CUX2: variants seen among roughly 807,000 people sequenced by gnomAD.
The protein encoded by CUX2 is homeobox protein cut-like 2.
A neutral mutation model predicts 144.8 loss-of-function variants in CUX2; 40 were observed. The observed-to-expected ratio is 0.28, with a 90% CI of 0.21 to 0.36. The LOEUF is 0.36. Ranked by LOEUF, CUX2 falls within the 10% of genes least tolerant of loss-of-function variation. CUX2 has a pLI of 1.00. For synonymous variants in CUX2, 827 were observed against 875.6 expected, an observed-to-expected ratio of 0.94 and a Z score of 0.98; for missense variants, 1,615 against 1,994.0, an observed-to-expected ratio of 0.81 and a Z score of 3.62.
rs1302243899 is a variant in CUX2 at position 111,059,522 on chromosome 12, C to T, written c.63+25282C>T. On this transcript the variant is annotated intron_variant, in intron 1 of 21. Coordinates refer to ENST00000261726, the MANE Select transcript of CUX2 (RefSeq NM_015267.4). This position sits in a 1 kb window ranked among gnomAD's most constrained non-coding sequence, Gnocchi z 5.3. ...CCCATTGATGCCTCAGTTTCCCTCA[C>T]CTTCCAAATGGGGCACGTGACTCTT... is the stretch of plus-strand genomic sequence containing the variant. Among the ~76,000 whole-genome samples, 1 of 152,176 alleles carries T rather than the reference C, an allele frequency of 6.6e-6. No homozygotes were observed. Among genetic ancestry groups the T allele is most frequent in the East Asian group, 1.9e-4 (1 of 5,194 alleles).
intron 1 of CUX2, among the ~76,000 whole-genome samples, chr12:111,200,011 T>C (rs1880482072): frequency 6.6e-6 from 1 of 152,196 alleles, no homozygotes; most frequent in South Asian, 2.1e-4. Flanking sequence ...TGCATTACTG[T>C]ACTGTTAGAA....
chr12:111,122,336 T>A (rs1874743447), intron 1 of CUX2, among the ~76,000 whole-genome samples: 1 of 152,228 alleles, frequency 6.6e-6, no homozygotes, highest in Non-Finnish European at 1.5e-5. Context: ...GCTGTTTTAA[T>A]TTCTTGCAAG....
rs906995803 is a variant in CUX2, at chr12:111,039,928, T to C, written c.63+5688T>C. Among the ~76,000 whole-genome samples the C allele has an allele frequency of 1.3e-5, 2 of 152,150 alleles. No individual in the cohort carries two copies. The highest frequency in any genetic ancestry group is 2.9e-5 in the Non-Finnish European group (2 of 68,022). On this transcript the variant is annotated intron_variant, in intron 1 of 21. Transcript: ENST00000261726. The surrounding 1 kb of genome is among the most constrained non-coding windows in gnomAD (Gnocchi z 4.2). The stretch of plus-strand genomic sequence containing the variant: ...TTATGTCTAGGATGGAGTTATTTGG[T>C]TTCTAAGCCTCAGTGAGCCCTTCAC...
chr12:111,182,834 C>G (rs999866327), intron 1 of CUX2, among the ~76,000 whole-genome samples: 2 of 152,150 alleles, frequency 1.3e-5, no homozygotes, highest in Non-Finnish European at 2.9e-5. Context: ...CAAGTGCCCC[C>G]AAAAGGACAT....
chr12:111,255,898 T>C lies in CUX2; in HGVS notation c.223-7863T>C, dbSNP rs1431398490. ...GGATCTTTCACAGGGACTGTCAGAG[T>C]GAGTGGGAACCCTCAGGATAGTCTA... On this transcript the variant is annotated intron_variant, in intron 3 of 21. Coordinates refer to ENST00000261726, the MANE Select transcript of CUX2 (RefSeq NM_015267.4). This position sits in a 1 kb window ranked among gnomAD's most constrained non-coding sequence, Gnocchi z 4.1. Among the ~76,000 whole-genome samples the C allele has an allele frequency of 6.6e-6, 1 of 151,978 alleles. No individual in the cohort carries two copies. Among genetic ancestry groups the C allele is most frequent in the Non-Finnish European group, 1.5e-5 (1 of 67,976 alleles).
intron 1 of CUX2, among the ~76,000 whole-genome samples, chr12:111,103,572 G>C (rs1394894646): frequency 6.6e-6 from 1 of 152,226 alleles, no homozygotes; most frequent in African/African-American, 2.4e-5. Flanking sequence ...TTGGGGCCAA[G>C]TGAAAGAAGA....
intron 3 of CUX2, among the ~76,000 whole-genome samples, chr12:111,229,328 G>A (rs1204960581): frequency 1.3e-5 from 2 of 152,174 alleles, no homozygotes; most frequent in Non-Finnish European, 2.9e-5. Flanking sequence ...TACAGGAGAA[G>A]GAATCTTTCT....
rs1019148295 is a variant in CUX2, at chr12:111,190,952, C to T, written c.64-23248C>T. On this transcript the variant is annotated intron_variant, in intron 1 of 21. Transcript: ENST00000261726. This position sits in a 1 kb window ranked among gnomAD's most constrained non-coding sequence, Gnocchi z 4.0. Reference sequence around the variant, plus strand: ...TGACCCAGCAGCTGAGCACAGCCGACCTGCTCGCAGATCCAGCACGCCAGG... The same window carrying T: ...TGACCCAGCAGCTGAGCACAGCCGATCTGCTCGCAGATCCAGCACGCCAGG... Among the ~76,000 whole-genome samples, 8 of 152,208 alleles carry T rather than the reference C, an allele frequency of 5.3e-5. No individual in the cohort carries two copies. The highest frequency in any genetic ancestry group is 1.7e-4 in the African/African-American group (7 of 41,456).
At chr12:111,060,674 G>C (rs1389299785) in intron 1 of CUX2, among the ~76,000 whole-genome samples, 1 of 152,216 alleles carries the variant, frequency 6.6e-6, no homozygotes, top group Non-Finnish European at 1.5e-5. Context: ...GGTTCTATCT[G>C]GTTTGCGGAT....
At chr12:111,227,710 C>T (rs542069879) in intron 3 of CUX2, among the ~76,000 whole-genome samples, 2 of 152,124 alleles carry the variant, frequency 1.3e-5, no homozygotes, top group African/African-American at 4.8e-5. Flanking sequence ...GATGGAGGCT[C>T]CCCTAGAGGG....
In CUX2 at chr12:111,186,107, C is replaced by T. The variant is rs930675323; in HGVS notation, c.64-28093C>T. Among the ~76,000 whole-genome samples, 3 of 151,944 alleles carry T rather than the reference C, an allele frequency of 2.0e-5. No individual in the cohort carries two copies. Among genetic ancestry groups the T allele is most frequent in the Admixed American group, 6.6e-5 (1 of 15,234 alleles). On this transcript the variant is annotated intron_variant, in intron 1 of 21. Transcript: ENST00000261726. The surrounding 1 kb of genome is among the most constrained non-coding windows in gnomAD (Gnocchi z 4.4). ...TCTGCCCTCGCCCCCTTTCTGTCTC[C>T]GTCTCACTAGATTTCGCTTTCACGT...
rs144302797 is a variant in CUX2 at position 111,211,493 on chromosome 12, C to A, written c.64-2707C>A. 3.9e-3 allele frequency among the ~76,000 whole-genome samples: 597 copies of A among 152,262 alleles called. 2 individuals carry two copies. The highest frequency in any genetic ancestry group is 6.3e-3 in the Non-Finnish European group (428 of 68,026). On this transcript the variant is annotated intron_variant, in intron 1 of 21. Transcript: ENST00000261726. ...CTGCTCTGCAATTTCCTTTCAGAAC[C>A]TGGGCTGGATGTTTTTAATGAGAGG...
At position 111,312,283 on chromosome 12, in the gene CUX2, C is replaced by A; in HGVS notation, c.2002+82C>A. On this transcript the variant is annotated intron_variant, in intron 16 of 21. Transcript: ENST00000261726. This position sits in a 1 kb window ranked among gnomAD's most constrained non-coding sequence, Gnocchi z 4.3. ...AGATGAGGCTTCGTCTACCTTTGTC[C>A]ACCCCAGAGGGAATCCAAGGTGGAT... The A allele has an allele frequency of 7.9e-7, 1 of 1,271,560 alleles. No homozygotes were observed. The highest frequency in any genetic ancestry group is 1.1e-6 in the Non-Finnish European group (1 of 905,222). 78.8% of individuals were successfully genotyped at this position (1,271,560 alleles called of 1,614,324 possible). A position where few individuals can be genotyped will look rare whatever the true frequency, so the allele number is the denominator to read the frequency against.
In CUX2 at chr12:111,057,691, C is replaced by T. The variant is rs535387055; in HGVS notation, c.63+23451C>T. The stretch of plus-strand genomic sequence containing the variant: ...CTCCCACCTCAACAGCCTGGAAGCA[C>T]TCCAACTACCGTACTTTTCTTCAAA... On this transcript the variant is annotated intron_variant, in intron 1 of 21. Transcript: ENST00000261726. This position sits in a 1 kb window ranked among gnomAD's most constrained non-coding sequence, Gnocchi z 5.1. Among the ~76,000 whole-genome samples, 1 of 152,342 alleles carries T rather than the reference C, an allele frequency of 6.6e-6. No individual in the cohort carries two copies. Among genetic ancestry groups the T allele is most frequent in the Admixed American group, 6.5e-5 (1 of 15,310 alleles).
chr12:111,235,702 C>T (rs1167723561), intron 3 of CUX2, among the ~76,000 whole-genome samples: 1 of 151,358 alleles, frequency 6.6e-6, no homozygotes, highest in Non-Finnish European at 1.5e-5. Context: ...GCCCAGGCAA[C>T]AGAGTAAGAC....
chr12:111,112,672 T>C (rs1024755624), intron 1 of CUX2, among the ~76,000 whole-genome samples: 1 of 152,194 alleles, frequency 6.6e-6, no homozygotes, highest in Non-Finnish European at 1.5e-5. Context: ...TAGGTAGCCG[T>C]ACTCTGTCCT....
rs1362367772 is a variant in CUX2 at position 111,255,946 on chromosome 12, T to C, written c.223-7815T>C. On this transcript the variant is annotated intron_variant, in intron 3 of 21. Coordinates refer to ENST00000261726, the MANE Select transcript of CUX2 (RefSeq NM_015267.4). This position sits in a 1 kb window ranked among gnomAD's most constrained non-coding sequence, Gnocchi z 4.1. ...CTAGCCAGACCTCCCCACATGTGGG[T>C]CTCCCTGAGTACCTTTACAGCCTCA... 4.6e-5 allele frequency among the ~76,000 whole-genome samples: 7 copies of C among 151,918 alleles called. No individual in the cohort carries two copies. The highest frequency in any genetic ancestry group is 8.8e-5 in the Non-Finnish European group (6 of 67,966).
chr12:111,261,304 A>G (rs1884112541), intron 3 of CUX2, among the ~76,000 whole-genome samples: 1 of 152,310 alleles, frequency 6.6e-6, no homozygotes, highest in African/African-American at 2.4e-5. Flanking sequence ...ACAGACTCTC[A>G]TGAATAGTAA....
At chr12:111,047,584 C>A (rs1006726857) in intron 1 of CUX2, among the ~76,000 whole-genome samples, 1 of 152,076 alleles carries the variant, frequency 6.6e-6, no homozygotes, top group Non-Finnish European at 1.5e-5. Flanking sequence ...CTGGTGTCAC[C>A]CTATTTTGCA....
Sources: allele counts gnomAD v4.1 joint callset (sites outside exome capture counted in the v4.1 genomes callset), GRCh38; gene constraint gnomAD v4.1.1; non-coding constraint Gnocchi (gnomAD v3.1); transcripts MANE v1.5; gene names NCBI Gene and HGNC (gene_info 2026-07-23, HGNC 2026-07-21).